Variants in CREB5 observed in about 807,000 individuals in gnomAD.
CREB5 encodes cyclic AMP-responsive element-binding protein 5.
CREB5 carries 19 observed loss-of-function variants against 57.1 expected under a neutral mutation model. That is an observed-to-expected ratio of 0.33 (90% CI 0.23 to 0.49). CREB5 has a LOEUF of 0.49. CREB5 is among the 20% of genes least tolerant of loss of function. The pLI is 0.99. For missense variants in CREB5, 579 were observed against 671.6 expected (o/e 0.86, Z 1.52); for synonymous variants, 238 against 238.3 (o/e 1.00, Z 0.01).
At chr7:28,788,943 C>T (rs1295057171) in intron 7 of CREB5, among the ~76,000 whole-genome samples, 1 of 152,102 alleles carries the variant, frequency 6.6e-6, no homozygotes, top group African/African-American at 2.4e-5. Context: ...GATTCAGTTG[C>T]TTTACGTCTT....
At chr7:28,512,352 A>G (rs979755316) in intron 4 of CREB5, among the ~76,000 whole-genome samples, 1 of 152,166 alleles carries the variant, frequency 6.6e-6, no homozygotes, top group African/African-American at 2.4e-5. Context: ...GGAATCTTCC[A>G]GAATTCTCTG....
At chr7:28,380,919 G>A (rs1786954357) in intron 1 of CREB5, among the ~76,000 whole-genome samples, 1 of 152,136 alleles carries the variant, frequency 6.6e-6, no homozygotes, top group Non-Finnish European at 1.5e-5. Context: ...GTAAGGGGTG[G>A]TTATTTGATA....
intron 5 of CREB5, among the ~76,000 whole-genome samples, chr7:28,612,841 T>C (rs1797447924): frequency 6.6e-6 from 1 of 152,124 alleles, no homozygotes; most frequent in Non-Finnish European, 1.5e-5. Flanking sequence ...AAGAGTGACT[T>C]TCTAAAAAAT....
At chr7:28,352,637 C>A (rs534612750) in intron 1 of CREB5, among the ~76,000 whole-genome samples, 1 of 152,314 alleles carries the variant, frequency 6.6e-6, no homozygotes, top group South Asian at 2.1e-4. Flanking sequence ...ATCTCAGAGT[C>A]ACATTCCTCA....
chr7:28,510,505 A>T (rs536443274), intron 4 of CREB5, among the ~76,000 whole-genome samples: 1 of 152,226 alleles, frequency 6.6e-6, no homozygotes, highest in Non-Finnish European at 1.5e-5. Flanking sequence ...TATTGGAAAG[A>T]TTGGACTGGT....
intron 5 of CREB5, among the ~76,000 whole-genome samples, chr7:28,624,588 C>T (rs1797930081): frequency 6.6e-6 from 1 of 151,970 alleles, no homozygotes; most frequent in African/African-American, 2.4e-5. Flanking sequence ...TCTGCCTCAC[C>T]CCAGTAAATC....
intron 1 of CREB5, among the ~76,000 whole-genome samples, chr7:28,337,571 C>A (rs1360183921): frequency 6.6e-6 from 1 of 151,388 alleles, no homozygotes; most frequent in Admixed American, 6.6e-5. Flanking sequence ...CCTTTATTTT[C>A]AGTCTATATG....
intron 7 of CREB5, among the ~76,000 whole-genome samples, chr7:28,760,523 A>G (rs1805583571): frequency 6.6e-6 from 1 of 152,232 alleles, no homozygotes; most frequent in South Asian, 2.1e-4. Context: ...CAGTCTTACC[A>G]TAACTCATGT....
intron 4 of CREB5, among the ~76,000 whole-genome samples, chr7:28,518,663 T>C (rs1323901079): frequency 6.6e-6 from 1 of 152,066 alleles, no homozygotes; most frequent in Non-Finnish European, 1.5e-5. Context: ...TCCAAATGGC[T>C]AGAGGGAAAC....
At chr7:28,503,543 G>A (rs368125913) in intron 3 of CREB5, among the ~76,000 whole-genome samples, 15 of 152,038 alleles carry the variant, frequency 9.9e-5, no homozygotes, top group East Asian at 7.8e-4. Context: ...TAGAAATTGA[G>A]GGCCATGATT....
intron 5 of CREB5, among the ~76,000 whole-genome samples, chr7:28,642,529 T>A (rs1227306860): frequency 6.6e-6 from 1 of 152,232 alleles, no homozygotes; most frequent in Non-Finnish European, 1.5e-5. Context: ...TTTTTTGCTC[T>A]TTCACATACA....
intron 7 of CREB5, among the ~76,000 whole-genome samples, chr7:28,727,815 T>C (rs1803407872): frequency 6.6e-6 from 1 of 152,148 alleles, no homozygotes; most frequent in Non-Finnish European, 1.5e-5. Context: ...TTAAGTTTAT[T>C]CAGAGTTAGT....
intron 4 of CREB5, among the ~76,000 whole-genome samples, chr7:28,560,977 T>C (rs111857497): frequency 0.059 from 2,866 of 48,458 alleles, 369 homozygotes; most frequent in South Asian, 0.089. Context: ...TGTGTGCGTG[T>C]GTGCGTGCGT....
At chr7:28,373,554 A>T (rs867788561) in intron 1 of CREB5, among the ~76,000 whole-genome samples, 1 of 150,676 alleles carries the variant, frequency 6.6e-6, no homozygotes, top group Middle Eastern at 3.4e-3. Context: ...CTTCCAAGTA[A>T]CTGGGACCAT....
intron 5 of CREB5, among the ~76,000 whole-genome samples, chr7:28,713,446 C>T (rs1027829599): frequency 6.6e-6 from 1 of 152,284 alleles, no homozygotes; most frequent in Non-Finnish European, 1.5e-5. Flanking sequence ...AATATAAAGC[C>T]TTTTTAATCA....
At chr7:28,768,440 C>G (rs1806125364) in intron 7 of CREB5, among the ~76,000 whole-genome samples, 1 of 152,046 alleles carries the variant, frequency 6.6e-6, no homozygotes, top group Admixed American at 6.6e-5. Flanking sequence ...TGATGGAACC[C>G]CAATATCTAA....
chr7:28,322,961 C>T (rs1033789858), intron 1 of CREB5, among the ~76,000 whole-genome samples: 1 of 152,096 alleles, frequency 6.6e-6, no homozygotes, highest in African/African-American at 2.4e-5. Flanking sequence ...TCTTAGTCCC[C>T]TCCCTCTGTC....
intron 1 of CREB5, among the ~76,000 whole-genome samples, chr7:28,427,878 G>A (rs1362742859): frequency 6.6e-6 from 1 of 152,174 alleles, no homozygotes; most frequent in Non-Finnish European, 1.5e-5. Context: ...GTGGATCTTT[G>A]CTCTTTAGTT....
intron 1 of CREB5, among the ~76,000 whole-genome samples, chr7:28,378,790 G>T (rs1022829754): frequency 1.3e-5 from 2 of 152,220 alleles, no homozygotes; most frequent in African/African-American, 4.8e-5. Flanking sequence ...GGGTAGAGTT[G>T]TTCAACCAGC....
Sources: gnomAD v4.1 joint callset for allele counts (sites outside exome capture counted in the v4.1 genomes callset) on GRCh38, gnomAD v4.1.1 for gene constraint, MANE v1.5 for transcripts, NCBI Gene and HGNC (gene_info 2026-07-23, HGNC 2026-07-21) for gene names.